The following MTUS2 variants were observed in gnomAD, a reference collection of about 807,000 sequenced individuals.
MTUS2 encodes microtubule-associated tumor suppressor candidate 2.
Under a neutral mutation model 114.1 loss-of-function variants are expected in MTUS2, and 40 were observed. That is an observed-to-expected ratio of 0.35 (90% confidence interval 0.27 to 0.46). The LOEUF is 0.46. MTUS2 is among the 20% of genes least tolerant of loss of function. MTUS2 has a pLI of 1.00. For missense variants in MTUS2, 1,679 were observed against 1,705.4 expected (o/e 0.98, Z 0.27); for synonymous variants, 688 against 672.0 (o/e 1.02, Z -0.37).
At chr13:29,033,745 C>A in intron 3 of MTUS2, 140 bp from the exon 4 acceptor site, 1 of 962,886 alleles carries the variant, frequency 1.0e-6, no homozygotes, top group Non-Finnish European at 1.5e-6. Context: ...CACTGTGGCC[C>A]GGGGAAGGTA....
chr13:29,046,811 A>G (rs1228934795), intron 4 of MTUS2, among the ~76,000 whole-genome samples: 1 of 152,000 alleles, frequency 6.6e-6, no homozygotes, highest in Non-Finnish European at 1.5e-5. Context: ...ACCAGCTCAC[A>G]TTCCTTTCCT....
At chr13:29,493,627 T>C (rs894738958) in intron 12 of MTUS2, among the ~76,000 whole-genome samples, 7 of 152,106 alleles carry the variant, frequency 4.6e-5, no homozygotes, top group African/African-American at 1.7e-4. Context: ...AGGGTCACAC[T>C]CTCCAGTGTA....
intron 8 of MTUS2, among the ~76,000 whole-genome samples, chr13:29,433,744 A>G (rs1436069460): frequency 6.6e-6 from 1 of 152,214 alleles, no homozygotes; most frequent in East Asian, 1.9e-4. Context: ...TCCTATGAAG[A>G]TGAAGTTCTA....
chr13:29,483,594 A>C (rs1008249621), intron 10 of MTUS2, among the ~76,000 whole-genome samples: 1 of 152,142 alleles, frequency 6.6e-6, no homozygotes, highest in African/African-American at 2.4e-5. Context: ...CCAGAACCGC[A>C]AGCATCACGG....
chr13:29,417,238 C>T (rs1875735716), intron 8 of MTUS2, among the ~76,000 whole-genome samples: 3 of 152,084 alleles, frequency 2.0e-5, no homozygotes, highest in Admixed American at 2.0e-4. Context: ...TATTAAATGA[C>T]CAGCTCTCAT....
At chr13:29,297,863 A>G (rs1274798853) in intron 6 of MTUS2, among the ~76,000 whole-genome samples, 1 of 133,110 alleles carries the variant, frequency 7.5e-6, no homozygotes, top group Non-Finnish European at 1.7e-5. Context: ...TAATGAGTAT[A>G]TGTGTACACA....
intron 4 of MTUS2, among the ~76,000 whole-genome samples, chr13:29,044,695 CT>C (rs1433561909): frequency 6.6e-6 from 1 of 152,110 alleles, no homozygotes; most frequent in Non-Finnish European, 1.5e-5. Context: ...GTTTCCCTTT[CT>C]TTTTCTTAAA....
At chr13:29,307,991 G>T (rs942705882) in intron 6 of MTUS2, among the ~76,000 whole-genome samples, 1 of 152,114 alleles carries the variant, frequency 6.6e-6, no homozygotes, top group Non-Finnish European at 1.5e-5. Flanking sequence ...AAAAGAAAAA[G>T]GAAATGGTCA....
chr13:29,065,074 G>C (rs1888604041), intron 4 of MTUS2, among the ~76,000 whole-genome samples: 1 of 152,166 alleles, frequency 6.6e-6, no homozygotes, highest in South Asian at 2.1e-4. Flanking sequence ...TGTGAATAGT[G>C]CTACAGTGAA....
chr13:29,167,422 CT>C (rs56408684), intron 5 of MTUS2, among the ~76,000 whole-genome samples: 139,484 of 144,660 alleles, frequency 0.96, 67,271 homozygotes, highest in Non-Finnish European at 0.98. Flanking sequence ...TTTTTTCTTT[CT>C]TTTTTTTTTT....
At chr13:29,111,215 C>G (rs1179133853) in intron 5 of MTUS2, among the ~76,000 whole-genome samples, 3 of 152,186 alleles carry the variant, frequency 2.0e-5, no homozygotes, top group African/African-American at 7.2e-5. Flanking sequence ...CATCTTGGTT[C>G]TTCCAAAATT....
At chr13:28,954,858 G>A (rs555227002) in intron 2 of MTUS2, among the ~76,000 whole-genome samples, 5 of 152,216 alleles carry the variant, frequency 3.3e-5, no homozygotes, top group South Asian at 4.1e-4. Flanking sequence ...GTCACTTCGA[G>A]GGGTGGTTGG....
At position 29,094,825 on chromosome 13, in the gene MTUS2, AT is replaced by A. The variant is rs1224277171; in HGVS notation, c.2447-5944del. On this transcript the variant is annotated intron_variant, in intron 4 of 15. Coordinates refer to ENST00000612955, the MANE Select transcript of MTUS2 (RefSeq NM_001033602.4). ...TTTAATGTAGGCATTTACAGTTATAATTTTCCTTTTAAGCATTGCTTTAGCT... is the reference window on the plus strand; with the variant it reads ...TTTAATGTAGGCATTTACAGTTATAATTTCCTTTTAAGCATTGCTTTAGCT... 2.6e-5 allele frequency among the ~76,000 whole-genome samples: 4 copies of A among 151,840 alleles called. No homozygotes were observed. The East Asian group carries it at 7.7e-4, about 29-fold the overall frequency.
intron 8 of MTUS2, among the ~76,000 whole-genome samples, chr13:29,393,645 A>G (rs1566177342): frequency 6.6e-6 from 1 of 152,198 alleles, no homozygotes; most frequent in Admixed American, 6.5e-5. Flanking sequence ...TATCTGAGAC[A>G]AGTCTCAGTC....
chr13:28,826,832 T>C (rs1874301944), intron 1 of MTUS2, among the ~76,000 whole-genome samples: 2 of 152,168 alleles, frequency 1.3e-5, no homozygotes, highest in Non-Finnish European at 2.9e-5. Flanking sequence ...CAGAAGCAAA[T>C]AACACTTAAT....
chr13:29,158,658 CAAGAA>C (rs1440940606), intron 5 of MTUS2, among the ~76,000 whole-genome samples: 4 of 152,102 alleles, frequency 2.6e-5, no homozygotes, highest in Non-Finnish European at 4.4e-5. Context: ...GCTTATCTCT[CAAGAA>C]AAGGAGACAG....
chr13:28,951,367 T>C (rs114821821), intron 2 of MTUS2, among the ~76,000 whole-genome samples: 1 of 152,204 alleles, frequency 6.6e-6, no homozygotes, highest in South Asian at 2.1e-4. Context: ...TCTTTTAAAA[T>C]TTCTTTCAGC....
At chr13:29,352,917 G>T (rs534667870) in intron 7 of MTUS2, among the ~76,000 whole-genome samples, 40 of 152,052 alleles carry the variant, frequency 2.6e-4, no homozygotes, top group African/African-American at 8.9e-4. Context: ...TCTTATTTAG[G>T]TCTTTTTTGT....
chr13:29,284,792 G>T (rs886616428), intron 6 of MTUS2, among the ~76,000 whole-genome samples: 24 of 152,126 alleles, frequency 1.6e-4, no homozygotes, highest in African/African-American at 4.8e-4. Flanking sequence ...GATAAAGTCA[G>T]AACTCATCTG....
Sources: allele counts gnomAD v4.1 joint callset (sites outside exome capture counted in the v4.1 genomes callset), GRCh38; gene constraint gnomAD v4.1.1; transcripts MANE v1.5; gene names NCBI Gene and HGNC (gene_info 2026-07-23, HGNC 2026-07-21).